The following BLTP1 variants were observed in gnomAD, a reference collection of about 807,000 sequenced individuals.
BLTP1 encodes the protein fragile site-associated protein.
the BLTP1 span, chr4:122,292,494 A>G: frequency 1.2e-6 from 1 of 842,860 alleles, no homozygotes; most frequent in South Asian, 5.5e-5. Context: ...TTTGTTTAGC[A>G]AAATGATTTA....
chr4:122,189,538 C>T, the BLTP1 span: 1 of 789,776 alleles, frequency 1.3e-6, no homozygotes. Flanking sequence ...GTTTAATATA[C>T]AGATAGATAA....
the BLTP1 span, among the ~76,000 whole-genome samples, chr4:122,340,086 A>C: frequency 6.6e-6 from 1 of 152,146 alleles, no homozygotes; most frequent in Non-Finnish European, 1.5e-5. Flanking sequence ...ACTGATAAGA[A>C]GACTGGAATG....
the BLTP1 span, chr4:122,291,956 G>T: frequency 4.7e-6 from 1 of 211,420 alleles, no homozygotes; most frequent in Non-Finnish European, 8.0e-6. Flanking sequence ...GTGTGCTCAT[G>T]CATCAAACAG....
At chr4:122,226,872 T>C in the BLTP1 span, 3 of 1,485,980 alleles carry the variant, frequency 2.0e-6, no homozygotes, top group Non-Finnish European at 2.7e-6. Flanking sequence ...TTATAAACAT[T>C]TATGAATTTT....
the BLTP1 span, among the ~76,000 whole-genome samples, chr4:122,319,282 T>C: frequency 6.6e-6 from 1 of 152,010 alleles, no homozygotes; most frequent in Non-Finnish European, 1.5e-5. Context: ...TGCCCTTTTT[T>C]TTCTAGTTTT....
At chr4:122,190,954 A>G in the BLTP1 span, among the ~76,000 whole-genome samples, 1 of 152,208 alleles carries the variant, frequency 6.6e-6, no homozygotes, top group African/African-American at 2.4e-5. Context: ...CTAATGGTGC[A>G]GAGCAATGGT....
the BLTP1 span, among the ~76,000 whole-genome samples, chr4:122,171,529 C>T: frequency 6.6e-6 from 1 of 152,036 alleles, no homozygotes; most frequent in Non-Finnish European, 1.5e-5. Context: ...TATGTTGTCT[C>T]ACTTAATGCT....
chr4:122,191,867 A>G, the BLTP1 span, among the ~76,000 whole-genome samples: 1,236 of 152,232 alleles, frequency 8.1e-3, 9 homozygotes, highest in South Asian at 0.038. Flanking sequence ...AGATTTGCCA[A>G]AAAAACCTCT....
chr4:122,310,829 T>C, the BLTP1 span: 1 of 359,870 alleles, frequency 2.8e-6, no homozygotes, highest in Non-Finnish European at 3.9e-6. Flanking sequence ...TAGATAATTA[T>C]AGGTAAAATA....
chr4:122,284,671 C>T, the BLTP1 span, among the ~76,000 whole-genome samples: 1 of 152,130 alleles, frequency 6.6e-6, no homozygotes, highest in Non-Finnish European at 1.5e-5. Context: ...AAAAATATTA[C>T]ATACAATAAG....
chr4:122,214,871 T>G, the BLTP1 span, among the ~76,000 whole-genome samples: 1 of 152,000 alleles, frequency 6.6e-6, no homozygotes, highest in African/African-American at 2.4e-5. Context: ...CTGGGCCTCC[T>G]GAAGTGCTGG....
the BLTP1 span, among the ~76,000 whole-genome samples, chr4:122,324,155 A>G: frequency 6.6e-6 from 1 of 151,610 alleles, no homozygotes; most frequent in Non-Finnish European, 1.5e-5. Flanking sequence ...TCTTCTCACC[A>G]TGTTTCTGTA....
the BLTP1 span, chr4:122,247,952 A>G: frequency 5.1e-6 from 5 of 985,130 alleles, no homozygotes; most frequent in Non-Finnish European, 6.0e-6. Context: ...AGATTTGCTA[A>G]TCGTATTTGA....
At chr4:122,206,120 A>G in the BLTP1 span, 30 of 907,492 alleles carry the variant, frequency 3.3e-5, no homozygotes, top group Middle Eastern at 5.7e-4. Flanking sequence ...TGAATTGGCA[A>G]TGAACAAATA....
chr4:122,316,491 C>T, the BLTP1 span: 1 of 513,438 alleles, frequency 1.9e-6, no homozygotes, highest in Non-Finnish European at 3.9e-6. Flanking sequence ...AGATGTGGGG[C>T]TCCCCTCAGT....
At chr4:122,302,053 A>G in the BLTP1 span, 1 of 193,536 alleles carries the variant, frequency 5.2e-6, no homozygotes, top group Non-Finnish European at 9.4e-6. Context: ...CCTGGGCAAC[A>G]GAGTGAGACC....
chr4:122,270,291 G>GA, the BLTP1 span: 3 of 933,520 alleles, frequency 3.2e-6, no homozygotes, highest in East Asian at 1.2e-4. Flanking sequence ...TTTTGTTACA[G>GA]AAAAAACTCC....
At chr4:122,250,236 A>G in the BLTP1 span, 5 of 1,019,290 alleles carry the variant, frequency 4.9e-6, no homozygotes, top group African/African-American at 8.1e-5. Flanking sequence ...CATTACTTTT[A>G]TAGATTAGGG....
the BLTP1 span, chr4:122,247,046 T>G: frequency 1.5e-6 from 2 of 1,310,668 alleles, no homozygotes; most frequent in Non-Finnish European, 1.0e-6. Context: ...CTACTATTGG[T>G]GTATAATAGT....
Sources: gnomAD v4.1 joint callset for allele counts (sites outside exome capture counted in the v4.1 genomes callset) on GRCh38, gnomAD v4.1.1 for gene constraint, MANE v1.5 for transcripts, NCBI Gene and HGNC (gene_info 2026-07-23, HGNC 2026-07-21) for gene names.